IRAK3: variants seen among roughly 807,000 people sequenced by gnomAD.
The protein encoded by IRAK3 is interleukin-1 receptor-associated kinase 3.
IRAK3 carries 57 observed loss-of-function variants against 56.6 expected under a neutral mutation model. That is an observed-to-expected ratio of 1.01 (90% CI 0.81 to 1.26). IRAK3 has a LOEUF of 1.26. Among genes scored for constraint, IRAK3 ranks in the 50% most tolerant of loss-of-function variants. IRAK3 has a pLI of 0.00. For synonymous variants in IRAK3, 258 were observed against 255.7 expected, an observed-to-expected ratio of 1.01 and a Z score of -0.09; for missense variants, 703 against 719.0, an observed-to-expected ratio of 0.98 and a Z score of 0.25.
intron 8 of IRAK3, among the ~76,000 whole-genome samples, chr12:66,242,798 G>T (rs1425884603): frequency 2.0e-5 from 3 of 152,242 alleles, no homozygotes; most frequent in East Asian, 3.8e-4. Context: ...CGGGGTCTGG[G>T]CGCAGTAGCT....
chr12:66,230,277 G>A (rs2052830467), intron 8 of IRAK3, among the ~76,000 whole-genome samples: 2 of 152,212 alleles, frequency 1.3e-5, no homozygotes, highest in African/African-American at 4.8e-5. Context: ...CCAGGAAGTG[G>A]GCTCAGAAGC....
chr12:66,191,291 T>C (rs557383866), intron 1 of IRAK3, among the ~76,000 whole-genome samples: 1 of 152,252 alleles, frequency 6.6e-6, no homozygotes, highest in South Asian at 2.1e-4. Flanking sequence ...TCAGTAATTA[T>C]TCAAGTCCTG....
At chr12:66,190,024 G>A (rs11465940) in intron 1 of IRAK3, among the ~76,000 whole-genome samples, 4,153 of 152,262 alleles carry the variant, frequency 0.027, 75 homozygotes, top group Non-Finnish European at 0.043. Flanking sequence ...CTTCAGAACT[G>A]TATTTTATGC....
At chr12:66,227,996 A>T (rs1340199752) in intron 7 of IRAK3, among the ~76,000 whole-genome samples, 2 of 152,194 alleles carry the variant, frequency 1.3e-5, no homozygotes, top group African/African-American at 4.8e-5. Context: ...TTACCTTACT[A>T]GCTATGTTTT....
chr12:66,244,496 C>T lies in IRAK3; in HGVS notation c.898C>T (p.Leu300Phe). 1 of 1,613,860 alleles carries T rather than the reference C, an allele frequency of 6.2e-7. No homozygotes were observed. The highest frequency in any genetic ancestry group is 8.5e-7 in the Non-Finnish European group (1 of 1,179,796). The change falls in exon 9 of 12, where the codon CTT becomes TTT. Residue 300 changes from leucine to phenylalanine, a missense_variant. Coordinates refer to ENST00000261233, the MANE Select transcript of IRAK3 (RefSeq NM_007199.3). Reference protein sequence around the residue: ...ICGSISSANILLDDQFQPKLT... With the variant: ...ICGSISSANIFLDDQFQPKLT... ...TGATCACAATTTTAGTGCAAACATC[C>T]TTTTGGATGATCAGTTTCAACCCAA... is the stretch of plus-strand genomic sequence containing the variant.
chr12:66,232,192 G>T (rs17102235), intron 8 of IRAK3, among the ~76,000 whole-genome samples: 5,189 of 152,262 alleles, frequency 0.034, 270 homozygotes, highest in African/African-American at 0.11. Context: ...GCTGACAATT[G>T]TTGCCTTTCT....
chr12:66,203,979 A>AT, intron 2 of IRAK3, 86 bp downstream of exon 2: 1 of 1,168,374 alleles, frequency 8.6e-7, no homozygotes, highest in Non-Finnish European at 1.3e-6. Flanking sequence ...TATCCAAGAC[A>AT]TTGACTCATG....
At chr12:66,214,742 A>G (rs2052651409) in intron 5 of IRAK3, among the ~76,000 whole-genome samples, 1 of 152,182 alleles carries the variant, frequency 6.6e-6, no homozygotes, top group Non-Finnish European at 1.5e-5. Context: ...ATGGGCCTTT[A>G]AAAAAATGAA....
At position 66,189,386 on chromosome 12, in the gene IRAK3, C is replaced by A. The variant is rs1028762489; in HGVS notation, c.87C>A (p.Cys29Ter). The A allele has an allele frequency of 2.0e-5, 30 of 1,527,466 alleles. No individual in the cohort carries two copies. Among genetic ancestry groups the A allele is most frequent in the Non-Finnish European group, 2.6e-5 (30 of 1,143,158 alleles). 94.6% of individuals were successfully genotyped at this position (1,527,466 alleles called of 1,614,324 possible). A position where few individuals can be genotyped will look rare whatever the true frequency, so the allele number is the denominator to read the frequency against. Residue 29 changes from cysteine (C) to a stop codon, truncating the protein, a stop_gained, in exon 1 of 12, where the codon TGC (cysteine) becomes TGA (stop). Transcript: ENST00000261233. LOFTEE classifies it high-confidence loss of function. The part of the protein sequence containing the change: ...DLPPALLGEL[C>*]AVLDSCDGAL... ...CGCCCGCGCTGCTCGGAGAGCTCTG[C>A]GCTGTTCTGGACAGCTGCGACGGCG...
rs765851925 is a variant in IRAK3, at chr12:66,211,478, A to C, written c.469A>C (p.Asn157His). 3.9e-5 allele frequency: 63 copies of C among 1,601,786 alleles called. No individual in the cohort carries two copies. The highest frequency in any genetic ancestry group is 5.0e-5 in the Non-Finnish European group (58 of 1,168,708). Residue 157 changes from asparagine to histidine, a missense_variant, in exon 5 of 12, where the codon AAT (asparagine) becomes CAT (histidine). Asn to His is a moderately conservative substitution (Grantham distance 68). Coordinates refer to ENST00000261233, the MANE Select transcript of IRAK3 (RefSeq NM_007199.3). ...GCTTAAATCTTCCATCAGCTTTCAA[A>C]ATATCATAGAAGGAACTAGAAATTT... ...ILLKSSISFQNIIEGTRNFHK... is the reference protein window; with the variant it reads ...ILLKSSISFQHIIEGTRNFHK...
Position 66,203,891 on chromosome 12 carries a change from A to C in IRAK3, c.314A>C (p.Tyr105Ser), listed in dbSNP as rs748562608. 7 of 1,611,158 alleles carry C rather than the reference A, an allele frequency of 4.3e-6. No homozygotes were observed. The South Asian group carries it at 7.7e-5, about 18-fold the overall frequency. Reference protein sequence around the residue: ...HRRAIHLITNYGAVLSPSEKS... With the variant: ...HRRAIHLITNSGAVLSPSEKS... ...CGAGCTATTCATTTAATTACAAACTATGGTAAATGCTGATTCTTATAATGT... is the reference window on the plus strand; with the variant it reads ...CGAGCTATTCATTTAATTACAAACTCTGGTAAATGCTGATTCTTATAATGT... Residue 105 changes from tyrosine to serine, a missense_variant and splice_region_variant, in exon 2 of 12, where the codon TAT becomes TCT. By Grantham distance (144) the Tyr-to-Ser change is moderately radical. Coordinates refer to ENST00000261233, the MANE Select transcript of IRAK3 (RefSeq NM_007199.3).
chr12:66,226,381 C>T (rs2052786330), intron 6 of IRAK3, among the ~76,000 whole-genome samples: 1 of 152,002 alleles, frequency 6.6e-6, no homozygotes, highest in Non-Finnish European at 1.5e-5. Context: ...GCTGGGATAA[C>T]CAGGTGCTCA....
At position 66,226,808 on chromosome 12, in the gene IRAK3, G is replaced by A. The variant is rs1468381271; in HGVS notation, c.739G>A (p.Gly247Arg). The A allele has an allele frequency of 1.4e-5, 22 of 1,600,856 alleles. No homozygotes were observed. In the East Asian group the frequency reaches 4.5e-4, roughly 32 times the overall value. The change falls in exon 7 of 12, where the codon GGA becomes AGA. Residue 247 changes from glycine to arginine, a missense_variant. Gly to Arg is a moderately radical substitution (Grantham distance 125). Transcript: ENST00000261233. ...TCTGATTTATCCATACATGAGAAAT[G>A]GAACACTTTTTGACAGATTGCAGTG... ...FCLIYPYMRN[G>R]TLFDRLQCVG...
intron 5 of IRAK3, among the ~76,000 whole-genome samples, chr12:66,212,979 C>T (rs1209077561): frequency 2.0e-5 from 3 of 151,758 alleles, no homozygotes; most frequent in Admixed American, 1.3e-4. Flanking sequence ...AGCAAACCAC[C>T]GTGGCACATG....
intron 1 of IRAK3, among the ~76,000 whole-genome samples, chr12:66,195,954 G>T (rs112310850): frequency 6.6e-6 from 1 of 150,560 alleles, no homozygotes; most frequent in Admixed American, 6.6e-5. Flanking sequence ...ACCACACCTG[G>T]CCATGGCCAC....
chr12:66,240,882 C>A (rs2052962671), intron 8 of IRAK3, among the ~76,000 whole-genome samples: 1 of 150,840 alleles, frequency 6.6e-6, no homozygotes, highest in African/African-American at 2.4e-5. Flanking sequence ...ATATATCTCT[C>A]TCTCTTTAAA....
intron 6 of IRAK3, among the ~76,000 whole-genome samples, chr12:66,223,597 T>G (rs540622082): frequency 6.7e-6 from 1 of 149,158 alleles, no homozygotes; most frequent in East Asian, 2.1e-4. Flanking sequence ...AGGCAGAGCT[T>G]GCAGTGAGCT....
chr12:66,222,928 C>T (rs2052749360), intron 6 of IRAK3, among the ~76,000 whole-genome samples: 1 of 151,834 alleles, frequency 6.6e-6, no homozygotes, highest in South Asian at 2.1e-4. Flanking sequence ...CGGGCTGAGT[C>T]CGAAAAGAGA....
At chr12:66,235,476 G>T (rs1409500518) in intron 8 of IRAK3, among the ~76,000 whole-genome samples, 2 of 151,560 alleles carry the variant, frequency 1.3e-5, no homozygotes, top group Non-Finnish European at 2.9e-5. Flanking sequence ...CTCCGCACTC[G>T]TCTAAAAGTG....
Sources: gnomAD v4.1 joint callset for allele counts (sites outside exome capture counted in the v4.1 genomes callset) on GRCh38, gnomAD v4.1.1 for gene constraint, MANE v1.5 for transcripts, NCBI Gene and HGNC (gene_info 2026-07-23, HGNC 2026-07-21) for gene names.